The following WDR7 variants were observed in gnomAD, a reference collection of about 807,000 sequenced individuals.
The protein encoded by WDR7 is WD repeat domain 7, also known as WD repeat-containing protein 7.
WDR7 carries 46 observed loss-of-function variants against 169.4 expected under a neutral mutation model. That is an observed-to-expected ratio of 0.27 (90% confidence interval 0.21 to 0.35). The LOEUF is 0.35. WDR7 is among the 10% of genes least tolerant of loss of function. WDR7 has a pLI of 1.00. For synonymous variants in WDR7, 612 were observed against 666.8 expected, an observed-to-expected ratio of 0.92 and a Z score of 1.27; for missense variants, 1,534 against 1,859.3, an observed-to-expected ratio of 0.83 and a Z score of 3.22.
intron 27 of WDR7, among the ~76,000 whole-genome samples, chr18:57,024,624 G>A (rs2917651): frequency 0.058 from 742 of 12,760 alleles, 23 homozygotes; most frequent in East Asian, 0.23. Context: ...GGATATGTGA[G>A]CTATGATAGT....
At chr18:56,923,715 A>G (rs1410442078) in intron 21 of WDR7, among the ~76,000 whole-genome samples, 1 of 152,244 alleles carries the variant, frequency 6.6e-6, no homozygotes, top group Non-Finnish European at 1.5e-5. Flanking sequence ...ACTTTAGAAT[A>G]TGGTATAAAA....
intron 21 of WDR7, among the ~76,000 whole-genome samples, chr18:56,917,637 G>A (rs1002249982): frequency 2.6e-5 from 4 of 152,132 alleles, no homozygotes; most frequent in Admixed American, 2.0e-4. Flanking sequence ...TTAAACATTG[G>A]CATTTTTCAC....
At chr18:56,752,121 G>A (rs1052823471) in intron 14 of WDR7, among the ~76,000 whole-genome samples, 18 of 152,120 alleles carry the variant, frequency 1.2e-4, no homozygotes, top group South Asian at 6.2e-4. Flanking sequence ...ATTCTGACGC[G>A]TTCCTAAAGA....
intron 26 of WDR7, among the ~76,000 whole-genome samples, chr18:57,012,265 T>G (rs2048146559): frequency 6.6e-6 from 1 of 152,244 alleles, no homozygotes; most frequent in South Asian, 2.1e-4. Context: ...AGGACTACCC[T>G]GGGAAAATGG....
chr18:56,741,483 A>G lies in WDR7; in HGVS notation c.1989+9886A>G, dbSNP rs1051443605. 4.6e-5 allele frequency among the ~76,000 whole-genome samples: 7 copies of G among 152,124 alleles called. No homozygotes were observed. The East Asian group carries it at 5.8e-4, about 13-fold the overall frequency. On this transcript the variant is annotated intron_variant, in intron 14 of 27. Transcript: ENST00000254442. ...TTAATCGGCCCTTCCTGCTCCTACA[A>G]ATCTGACATCTGCTCCAAGTTCTCC...
downstream of WDR7, chr18:57,032,844 TAC>T (rs1555649902): frequency 8.1e-6 from 1 of 123,754 alleles, no homozygotes; most frequent in African/African-American, 2.9e-5. Context: ...TATATATATA[TAC>T]AGTGTAATAA....
intron 25 of WDR7, among the ~76,000 whole-genome samples, chr18:56,942,252 C>CA (rs2047044061): frequency 6.6e-6 from 1 of 151,918 alleles, no homozygotes; most frequent in South Asian, 2.1e-4. Flanking sequence ...CATCTTCATG[C>CA]AACCCATGAC....
At chr18:56,917,741 G>A (rs1392820315) in intron 21 of WDR7, among the ~76,000 whole-genome samples, 3 of 152,058 alleles carry the variant, frequency 2.0e-5, no homozygotes, top group Admixed American at 6.6e-5. Context: ...GCTTACATAG[G>A]CTTTATTTTG....
chr18:57,003,413 G>A (rs947697938), intron 26 of WDR7, among the ~76,000 whole-genome samples: 2 of 151,888 alleles, frequency 1.3e-5, no homozygotes, highest in African/African-American at 4.8e-5. Context: ...CATTTAAAAA[G>A]CACTCTTTTT....
At chr18:56,680,573 ACTC>A (rs2025333431) in intron 3 of WDR7, among the ~76,000 whole-genome samples, 1 of 152,128 alleles carries the variant, frequency 6.6e-6, no homozygotes, top group Non-Finnish European at 1.5e-5. Flanking sequence ...CTTAAAGAAA[ACTC>A]TAATAATATC....
intron 16 of WDR7, among the ~76,000 whole-genome samples, chr18:56,772,417 T>G (rs972324135): frequency 1.3e-5 from 2 of 152,148 alleles, no homozygotes; most frequent in Non-Finnish European, 2.9e-5. Context: ...GTGAGATGGC[T>G]TCCGAAGAGA....
intron 25 of WDR7, among the ~76,000 whole-genome samples, chr18:56,946,682 A>G (rs1050932510): frequency 6.6e-6 from 1 of 151,860 alleles, no homozygotes; most frequent in African/African-American, 2.4e-5. Flanking sequence ...ATGTGTGTGT[A>G]TGTATTATGT....
chr18:56,749,491 T>A (rs898316152), intron 14 of WDR7, among the ~76,000 whole-genome samples: 11 of 152,038 alleles, frequency 7.2e-5, no homozygotes, highest in Non-Finnish European at 1.3e-4. Flanking sequence ...GATTTTTTTT[T>A]AAATTATTAA....
intron 14 of WDR7, among the ~76,000 whole-genome samples, chr18:56,744,433 AGT>A (rs2043672587): frequency 6.6e-6 from 1 of 151,810 alleles, no homozygotes; most frequent in Admixed American, 6.6e-5. Context: ...ACCTGATGAG[AGT>A]GGTAGAGATT....
chr18:56,700,247 A>ATTT (rs2025794017), intron 12 of WDR7, among the ~76,000 whole-genome samples: 1 of 72,422 alleles, frequency 1.4e-5, no homozygotes, highest in African/African-American at 4.9e-5. Context: ...TTTATTTTTC[A>ATTT]TTTTCTTTTT....
chr18:56,734,253 G>T (rs2026648104), intron 14 of WDR7, among the ~76,000 whole-genome samples: 1 of 152,038 alleles, frequency 6.6e-6, no homozygotes. Context: ...ACTTATCTCA[G>T]CTTTATCCTT....
intron 20 of WDR7, among the ~76,000 whole-genome samples, chr18:56,848,155 A>G (rs894915597): frequency 6.6e-6 from 1 of 152,170 alleles, no homozygotes; most frequent in Non-Finnish European, 1.5e-5. Context: ...TTGCGAGCCT[A>G]CCCCTTGCAC....
At chr18:56,755,776 C>G (rs952497756) in intron 14 of WDR7, among the ~76,000 whole-genome samples, 1 of 152,122 alleles carries the variant, frequency 6.6e-6, no homozygotes, top group East Asian at 1.9e-4. Context: ...GAGAGATTGA[C>G]AGAGGTAGAA....
chr18:56,767,109 G>A (rs1169261582), intron 16 of WDR7, among the ~76,000 whole-genome samples: 1 of 152,160 alleles, frequency 6.6e-6, no homozygotes, highest in East Asian at 1.9e-4. Flanking sequence ...AGTGCTCTAA[G>A]ATGAATTACT....
Sources: gnomAD v4.1 joint callset for allele counts (sites outside exome capture counted in the v4.1 genomes callset) on GRCh38, gnomAD v4.1.1 for gene constraint, MANE v1.5 for transcripts, NCBI Gene and HGNC (gene_info 2026-07-23, HGNC 2026-07-21) for gene names.